Variants in HECW2 observed in about 807,000 individuals in gnomAD.
HECW2 encodes the protein HECT, C2 and WW domain containing E3 ubiquitin protein ligase 2.
In HECW2, 61 loss-of-function variants were observed where a neutral mutation model predicts 175.2. The ratio of observed to expected loss-of-function variants is 0.35; its 90% confidence interval spans 0.28 to 0.43. HECW2 has a LOEUF of 0.43. HECW2 is among the 20% of genes least tolerant of loss of function. The pLI is 1.00. For missense variants in HECW2, 1,524 were observed against 2,000.5 expected, an observed-to-expected ratio of 0.76 and a Z score of 4.54; for synonymous variants, 671 against 731.0, an observed-to-expected ratio of 0.92 and a Z score of 1.32.
rs1308245674 is a variant in HECW2 at position 196,197,801 on chromosome 2, A to G, written c.*3476T>C. ...AACCCAGATGGAACATGATGCTTGT[A>G]CCCTACAAAGTGCGTGAGGAGCTAA... is the stretch of plus-strand genomic sequence containing the variant. On this transcript the variant is annotated 3_prime_UTR_variant, in exon 29 of 29. Coordinates refer to ENST00000644978, the MANE Select transcript of HECW2 (RefSeq NM_001348768.2). The G allele has an allele frequency of 6.6e-6, 1 of 152,228 alleles. No individual in the cohort carries two copies. Among genetic ancestry groups the G allele is most frequent in the Non-Finnish European group, 1.5e-5 (1 of 68,038 alleles). 9.4% of individuals were successfully genotyped at this position (152,228 alleles called of 1,614,324 possible).
At chr2:196,434,864 T>A (rs1695825101) in intron 1 of HECW2, among the ~76,000 whole-genome samples, 1 of 152,176 alleles carries the variant, frequency 6.6e-6, no homozygotes. Flanking sequence ...AGTTTTCATT[T>A]AAAAAACAAA....
chr2:196,491,268 G>A (rs773851640), intron 1 of HECW2, among the ~76,000 whole-genome samples: 3 of 151,690 alleles, frequency 2.0e-5, no homozygotes, highest in Admixed American at 2.0e-4. Flanking sequence ...GGAGGCCAAG[G>A]TGGATGAATC....
intron 1 of HECW2, among the ~76,000 whole-genome samples, chr2:196,451,794 G>T (rs1696356131): frequency 6.6e-6 from 1 of 152,196 alleles, no homozygotes; most frequent in Admixed American, 6.5e-5. Flanking sequence ...AGCTACTTGG[G>T]AGGCTGAGGT....
chr2:196,318,711 C>A lies in HECW2; in HGVS notation c.2179G>T (p.Val727Leu). The A allele has an allele frequency of 6.4e-7, 1 of 1,572,676 alleles. No homozygotes were observed. Among genetic ancestry groups the A allele is most frequent in the South Asian group, 1.2e-5 (1 of 84,004 alleles). ...DEGPGAESAT[V>L]PDQEELGEVW... ...TCCCCCAGCTCCTCCTGGTCAGGTA[C>A]AGTGGCCGATTCTGCCCCTGGCCCT... Residue 727 changes from valine to leucine, a missense_variant, in exon 9 of 29, where the codon GTA becomes TTA. By Grantham distance (32) the Val-to-Leu change is conservative. Around this residue, in one of 11 missense-constraint regions of HECW2, gnomAD observed 604 missense variants for 588.3 expected, o/e 1.03. Coordinates refer to ENST00000644978, the MANE Select transcript of HECW2 (RefSeq NM_001348768.2).
At chr2:196,464,035 T>A (rs1008431940) in intron 1 of HECW2, among the ~76,000 whole-genome samples, 2 of 151,968 alleles carry the variant, frequency 1.3e-5, no homozygotes, top group Non-Finnish European at 2.9e-5. Context: ...GCTTTTCCTT[T>A]TTTTTTTTTT....
At chr2:196,238,610 C>T (rs1322462529) in intron 21 of HECW2, 1 of 152,122 alleles carries the variant, frequency 6.6e-6, no homozygotes, top group Admixed American at 6.5e-5. Flanking sequence ...GTCCAGAAAT[C>T]CAGCTTCAAT....
At chr2:196,217,472 C>G (rs1190124141) in intron 26 of HECW2, 2 of 168,456 alleles carry the variant, frequency 1.2e-5, no homozygotes, top group African/African-American at 4.8e-5. Flanking sequence ...ATGCCAAGCA[C>G]TGTACCAAGG....
At chr2:196,441,690 T>C (rs1179477430) in intron 1 of HECW2, among the ~76,000 whole-genome samples, 4 of 152,176 alleles carry the variant, frequency 2.6e-5, no homozygotes, top group Non-Finnish European at 5.9e-5. Context: ...TCAGTATAAA[T>C]GAACATTCAG....
chr2:196,436,333 G>A (rs1361572304), intron 1 of HECW2, among the ~76,000 whole-genome samples: 3 of 150,918 alleles, frequency 2.0e-5, no homozygotes, highest in South Asian at 2.1e-4. Context: ...CCCAGGAGGC[G>A]GAGCTTGCAG....
chr2:196,562,203 C>T (rs1690024444), intron 1 of HECW2, among the ~76,000 whole-genome samples: 1 of 152,140 alleles, frequency 6.6e-6, no homozygotes, highest in Non-Finnish European at 1.5e-5. Context: ...TAGTAAAAGA[C>T]TCCTTCATAG....
chr2:196,411,878 C>T (rs553669785), intron 2 of HECW2, among the ~76,000 whole-genome samples: 90 of 152,248 alleles, frequency 5.9e-4, no homozygotes, highest in Non-Finnish European at 9.6e-4. Context: ...GGTGTAGTGG[C>T]GCACACCTGT....
chr2:196,269,635 A>G (rs1435056456), intron 17 of HECW2: 2 of 152,162 alleles, frequency 1.3e-5, no homozygotes, highest in East Asian at 3.8e-4. Context: ...TAGATATTTG[A>G]ACAGTAAGGA....
rs761171135 is a variant in HECW2, at chr2:196,242,193, C to A, written c.3541G>T (p.Ala1181Ser). 22 of 1,614,068 alleles carry A rather than the reference C, an allele frequency of 1.4e-5. No individual in the cohort carries two copies. The highest frequency in any genetic ancestry group is 1.7e-5 in the Non-Finnish European group (20 of 1,180,022). Residue 1181 changes from alanine to serine, a missense_variant, in exon 20 of 29, where the codon GCC (alanine) becomes TCC (serine). Ala to Ser is a moderately conservative substitution (Grantham distance 99). Around this residue, in one of 11 missense-constraint regions of HECW2, gnomAD observed 291 missense variants for 412.2 expected, o/e 0.71. Coordinates refer to ENST00000644978, the MANE Select transcript of HECW2 (RefSeq NM_001348768.2). The stretch of plus-strand genomic sequence containing the variant: ...TAAGGGGCTGGAGCCCGGGCATTGG[C>A]ACGCTGGGTACCTGCAGCAAACCAC... Reference protein sequence around the residue: ...SPQNSPGTQRANARAPAPYKR... With the variant: ...SPQNSPGTQRSNARAPAPYKR...
chr2:196,338,759 T>C (rs1692642963), intron 3 of HECW2, among the ~76,000 whole-genome samples: 1 of 152,252 alleles, frequency 6.6e-6, no homozygotes, highest in South Asian at 2.1e-4. Flanking sequence ...ATATCTATTT[T>C]ACTTAAAAGG....
rs775510557 is a variant in HECW2 at position 196,278,586 on chromosome 2, G to T, written c.3077C>A (p.Thr1026Lys). The change falls in exon 15 of 29, where the codon ACA (threonine) becomes AAA (lysine). Residue 1026 changes from threonine (T) to lysine (K), a missense_variant. This residue lies in a region of HECW2 where 291 missense variants were observed against 412.2 expected (regional missense o/e 0.71). Transcript: ENST00000644978. The part of the protein sequence containing the change: ...PRLPLQSSRP[T>K]SALVHRQHLT... The stretch of plus-strand genomic sequence containing the variant: ...GTGTTGCCGATGAACCAGCGCACTT[G>T]TGGGTCTACTGCTCTGAAGTGGGAG... The T allele has an allele frequency of 1.2e-6, 2 of 1,614,112 alleles. No homozygotes were observed. The highest frequency in any genetic ancestry group is 1.7e-6 in the Non-Finnish European group (2 of 1,180,024).
intron 23 of HECW2, among the ~76,000 whole-genome samples, chr2:196,225,451 T>C (rs1365557187): frequency 2.0e-5 from 3 of 152,206 alleles, no homozygotes; most frequent in Non-Finnish European, 4.4e-5. Flanking sequence ...ATTAATAATC[T>C]GCATTAATAC....
intron 1 of HECW2, among the ~76,000 whole-genome samples, chr2:196,456,276 T>C (rs921749634): frequency 7.9e-4 from 120 of 152,240 alleles, no homozygotes; most frequent in African/African-American, 2.9e-3. Context: ...TGCTTGAGGG[T>C]TGTAAGTCCA....
chr2:196,430,427 TG>T (rs1559105973), intron 2 of HECW2, among the ~76,000 whole-genome samples: 1 of 139,416 alleles, frequency 7.2e-6, no homozygotes, highest in African/African-American at 2.8e-5. Flanking sequence ...CCATGGTCAA[TG>T]AAAAAAAAAA....
chr2:196,246,335 G>A lies in HECW2; in HGVS notation c.3530-4131C>T, dbSNP rs138350243. 4.6e-5 allele frequency among the ~76,000 whole-genome samples: 7 copies of A among 152,204 alleles called. No individual in the cohort carries two copies. In the East Asian group the frequency reaches 1.2e-3, roughly 25 times the overall value. On this transcript the variant is annotated intron_variant, in intron 19 of 28. Coordinates refer to ENST00000644978, the MANE Select transcript of HECW2 (RefSeq NM_001348768.2). ...CAAGAGCAAAATCATTGATAAGAGA[G>A]AGAAAAATGAAGAACAAGGAACTGA... is the stretch of plus-strand genomic sequence containing the variant.
Sources: gnomAD v4.1 joint callset for allele counts (sites outside exome capture counted in the v4.1 genomes callset) on GRCh38, gnomAD v4.1.1 for gene constraint, gnomAD v4.1.1 regional missense constraint, MANE v1.5 for transcripts, NCBI Gene and HGNC (gene_info 2026-07-23, HGNC 2026-07-21) for gene names.